Variants in NMNAT2 observed in about 807,000 individuals in gnomAD.
NMNAT2 encodes nicotinamide/nicotinic acid mononucleotide adenylyltransferase 2.
A neutral mutation model predicts 41.6 loss-of-function variants in NMNAT2; 11 were observed. The observed-to-expected ratio is 0.26, with a 90% CI of 0.17 to 0.44. The LOEUF is 0.44. Ranked by LOEUF, NMNAT2 falls within the 20% of genes least tolerant of loss-of-function variation. The pLI, the probability that NMNAT2 is intolerant of heterozygous loss-of-function variation, is 1.00. For synonymous variants in NMNAT2, 148 were observed against 151.2 expected (o/e 0.98, Z 0.16); for missense variants, 288 against 407.7 (o/e 0.71, Z 2.53).
At chr1:183,367,545 T>C (rs1475606730) in intron 1 of NMNAT2, among the ~76,000 whole-genome samples, 1 of 152,222 alleles carries the variant, frequency 6.6e-6, no homozygotes, top group Non-Finnish European at 1.5e-5. Context: ...AGGTCAGACA[T>C]AACTATTTGA....
At chr1:183,350,184 G>C (rs921901369) in intron 1 of NMNAT2, among the ~76,000 whole-genome samples, 3 of 152,308 alleles carry the variant, frequency 2.0e-5, no homozygotes, top group African/African-American at 7.2e-5. Context: ...TAAGTGCTGT[G>C]AATAAATGAA....
At chr1:183,413,013 T>G (rs1265144187) in intron 1 of NMNAT2, among the ~76,000 whole-genome samples, 2 of 152,242 alleles carry the variant, frequency 1.3e-5, no homozygotes, top group African/African-American at 4.8e-5. Flanking sequence ...AACCTCTTAT[T>G]GCCATGATTA....
rs190142975 is a variant in NMNAT2 at position 183,357,862 on chromosome 1, G to A, written c.85+60321C>T. Among the ~76,000 whole-genome samples the A allele has an allele frequency of 4.1e-4, 63 of 151,894 alleles. 2 individuals are homozygous for A. The East Asian group carries it at 0.011, about 26-fold the overall frequency. ...TTTTTAATGAGGTTGTTTCTTTCTCGTAAATAACTGTTTAACTCAGTAATC... is the reference window on the plus strand; with the variant it reads ...TTTTTAATGAGGTTGTTTCTTTCTCATAAATAACTGTTTAACTCAGTAATC... On this transcript the variant is annotated intron_variant, in intron 1 of 10. Transcript: ENST00000287713.
intron 1 of NMNAT2, among the ~76,000 whole-genome samples, chr1:183,406,833 T>TTTA: frequency 6.8e-6 from 1 of 146,646 alleles, no homozygotes; most frequent in East Asian, 2.0e-4. Context: ...TTTTTTTTTT[T>TTTA]TTTGAGACAG....
At chr1:183,325,755 T>G (rs77251524) in intron 1 of NMNAT2, among the ~76,000 whole-genome samples, 15,850 of 152,230 alleles carry the variant, frequency 0.1, 878 homozygotes, top group Middle Eastern at 0.15. Flanking sequence ...CCCCTCACAC[T>G]CAAACAATAG....
chr1:183,405,862 G>A (rs1398138001), intron 1 of NMNAT2, among the ~76,000 whole-genome samples: 1 of 152,238 alleles, frequency 6.6e-6, no homozygotes, highest in Non-Finnish European at 1.5e-5. Context: ...TCCAAAGGCA[G>A]GATGTTATTC....
intron 1 of NMNAT2, among the ~76,000 whole-genome samples, chr1:183,327,609 G>A (rs181850020): frequency 3.3e-4 from 51 of 152,290 alleles, no homozygotes; most frequent in African/African-American, 1.2e-3. Context: ...TCCCAGAATC[G>A]TTTCCAACGG....
At chr1:183,305,596 C>T (rs927746224) in intron 1 of NMNAT2, among the ~76,000 whole-genome samples, 2 of 151,900 alleles carry the variant, frequency 1.3e-5, no homozygotes, top group African/African-American at 4.8e-5. Flanking sequence ...GAATATTCAG[C>T]ATAGATTCCT....
chr1:183,258,461 C>T (rs1660573840), intron 10 of NMNAT2, among the ~76,000 whole-genome samples: 1 of 152,154 alleles, frequency 6.6e-6, no homozygotes, highest in Non-Finnish European at 1.5e-5. Context: ...GTCCTTGTTC[C>T]TGGTGTAGGC....
chr1:183,278,082 T>C lies in NMNAT2; in HGVS notation c.651+471A>G, dbSNP rs1253134082. Among the ~76,000 whole-genome samples, 4 of 152,204 alleles carry C rather than the reference T, an allele frequency of 2.6e-5. No homozygotes were observed. The East Asian group carries it at 7.7e-4, about 29-fold the overall frequency. On this transcript the variant is annotated intron_variant, in intron 8 of 10. Transcript: ENST00000287713. ...AAGTTTAACCTCCTGGTTCCCTCAA[T>C]GCCAAGTCAATTGCCAAGGATCCTG...
chr1:183,313,177 T>C (rs1004938384), intron 1 of NMNAT2, among the ~76,000 whole-genome samples: 1 of 151,762 alleles, frequency 6.6e-6, no homozygotes, highest in African/African-American at 2.4e-5. Context: ...TACTATAGGA[T>C]ACCAAAGAAC....
At chr1:183,405,334 G>A (rs535009683) in intron 1 of NMNAT2, among the ~76,000 whole-genome samples, 1 of 152,328 alleles carries the variant, frequency 6.6e-6, no homozygotes, top group African/African-American at 2.4e-5. Context: ...ACATCAAAAT[G>A]AGCAAGGAAT....
intron 1 of NMNAT2, among the ~76,000 whole-genome samples, chr1:183,413,089 A>G (rs1487676290): frequency 2.0e-5 from 3 of 152,212 alleles, no homozygotes; most frequent in Middle Eastern, 3.2e-3. Context: ...ATTTAAGAAA[A>G]AATAGCTTAA....
intron 5 of NMNAT2, 41 bp downstream of exon 5, chr1:183,286,621 T>C: frequency 6.4e-7 from 1 of 1,551,098 alleles, no homozygotes; most frequent in Non-Finnish European, 8.8e-7. Context: ...GCCCTCCACA[T>C]GATTCTGAGG....
intron 1 of NMNAT2, among the ~76,000 whole-genome samples, chr1:183,325,901 T>C (rs1306261608): frequency 6.6e-6 from 1 of 152,202 alleles, no homozygotes; most frequent in Non-Finnish European, 1.5e-5. Flanking sequence ...TAGGTGCTGA[T>C]GTTTAGAGGT....
chr1:183,369,263 C>CTTTTTTTTTTT (rs55925461), intron 1 of NMNAT2, among the ~76,000 whole-genome samples: 1 of 140,104 alleles, frequency 7.1e-6, no homozygotes, highest in Non-Finnish European at 1.5e-5. Context: ...CTTTTCTTTT[C>CTTTTTTTTTTT]TTTTTTTTTT....
At chr1:183,263,058 T>C (rs1481271233) in intron 8 of NMNAT2, among the ~76,000 whole-genome samples, 1 of 152,326 alleles carries the variant, frequency 6.6e-6, no homozygotes, top group African/African-American at 2.4e-5. Flanking sequence ...GTGTGTGTGT[T>C]TGTGTGTGCA....
intron 1 of NMNAT2, among the ~76,000 whole-genome samples, chr1:183,414,143 A>T (rs917530991): frequency 1.3e-5 from 2 of 152,200 alleles, no homozygotes; most frequent in African/African-American, 4.8e-5. Context: ...GTGAAAAGAT[A>T]ATAGTTTTTG....
intron 1 of NMNAT2, among the ~76,000 whole-genome samples, chr1:183,390,623 A>G (rs1388297781): frequency 6.6e-6 from 1 of 152,206 alleles, no homozygotes; most frequent in Non-Finnish European, 1.5e-5. Flanking sequence ...AAAACACAAA[A>G]TAACTCATGC....
Sources: allele counts gnomAD v4.1 joint callset (sites outside exome capture counted in the v4.1 genomes callset), GRCh38; gene constraint gnomAD v4.1.1; transcripts MANE v1.5; gene names NCBI Gene and HGNC (gene_info 2026-07-23, HGNC 2026-07-21).